NALF1: variants seen among roughly 807,000 people sequenced by gnomAD.
NALF1 encodes the protein family with sequence similarity 155 member A.
In NALF1, 3 loss-of-function variants were observed where a neutral mutation model predicts 48.4. The observed-to-expected ratio is 0.06, with a 90% confidence interval of 0.03 to 0.16. The LOEUF is 0.16. Ranked by LOEUF, NALF1 falls within the 10% of genes least tolerant of loss-of-function variation. The probability of loss-of-function intolerance (pLI) is 1.00; values close to 1 mark genes in which losing one functional copy is unlikely to be tolerated. For synonymous variants in NALF1, 262 were observed against 245.7 expected (o/e 1.07, Z -0.62); for missense variants, 526 against 571.5 (o/e 0.92, Z 0.81).
intron 1 of NALF1, among the ~76,000 whole-genome samples, chr13:107,628,984 G>A (rs1306248166): frequency 1.3e-5 from 2 of 152,086 alleles, no homozygotes; most frequent in Non-Finnish European, 2.9e-5. Context: ...TGTACTTACA[G>A]TCTGTTCTCC....
At chr13:107,431,069 CGT>C (rs1377493016) in intron 1 of NALF1, among the ~76,000 whole-genome samples, 3 of 151,572 alleles carry the variant, frequency 2.0e-5, no homozygotes, top group South Asian at 4.2e-4. Context: ...AGCATTTTTT[CGT>C]GTGTTTTTTG....
At chr13:107,474,131 A>T (rs76955094) in intron 1 of NALF1, among the ~76,000 whole-genome samples, 8,075 of 151,730 alleles carry the variant, frequency 0.053, 475 homozygotes, top group African/African-American at 0.15. Context: ...ACTGAATAAA[A>T]TTTTTTTTTC....
chr13:107,270,839 G>A (rs1199886299), intron 1 of NALF1, among the ~76,000 whole-genome samples: 7 of 117,902 alleles, frequency 5.9e-5, no homozygotes, highest in African/African-American at 2.3e-4. Flanking sequence ...AACAGGCCCC[G>A]GTGTGTGATG....
chr13:107,297,712 A>C (rs570764500), intron 1 of NALF1, among the ~76,000 whole-genome samples: 3 of 152,204 alleles, frequency 2.0e-5, no homozygotes, highest in Non-Finnish European at 4.4e-5. Flanking sequence ...TTACTGCTTA[A>C]GTTTCTACCT....
chr13:107,846,290 T>A (rs1880170505), intron 1 of NALF1, among the ~76,000 whole-genome samples: 1 of 152,200 alleles, frequency 6.6e-6, no homozygotes, highest in South Asian at 2.1e-4. Context: ...GACTGTTCTG[T>A]CAGACGGGAG....
intron 1 of NALF1, among the ~76,000 whole-genome samples, chr13:107,315,642 A>C (rs2059636489): frequency 6.6e-6 from 1 of 151,976 alleles, no homozygotes; most frequent in African/African-American, 2.4e-5. Context: ...AGACATTGAA[A>C]CGTAATCCTT....
At chr13:107,263,125 C>T (rs1458408776) in intron 1 of NALF1, among the ~76,000 whole-genome samples, 1 of 151,844 alleles carries the variant, frequency 6.6e-6, no homozygotes, top group Non-Finnish European at 1.5e-5. Flanking sequence ...CCCTTGAAAC[C>T]CTTCAGTCTG....
At chr13:107,740,149 T>C (rs1876590858) in intron 1 of NALF1, among the ~76,000 whole-genome samples, 1 of 152,166 alleles carries the variant, frequency 6.6e-6, no homozygotes, top group African/African-American at 2.4e-5. Context: ...AGGTTGGAAA[T>C]TGCTGCACTG....
chr13:107,511,055 T>C (rs1034899070), intron 1 of NALF1, among the ~76,000 whole-genome samples: 1 of 152,306 alleles, frequency 6.6e-6, no homozygotes, highest in East Asian at 1.9e-4. Context: ...TGAGTCCTCC[T>C]AATACCTTCT....
intron 1 of NALF1, among the ~76,000 whole-genome samples, chr13:107,829,978 C>G (rs936001111): frequency 4.6e-5 from 7 of 152,208 alleles, no homozygotes; most frequent in Non-Finnish European, 1.0e-4. Flanking sequence ...ACAAGAAAGT[C>G]TGGCAACAGA....
At chr13:107,221,394 C>A (rs964135332) in intron 1 of NALF1, among the ~76,000 whole-genome samples, 2 of 152,046 alleles carry the variant, frequency 1.3e-5, no homozygotes, top group Non-Finnish European at 2.9e-5. Flanking sequence ...CCTGGCCAAC[C>A]TGGCAAAACT....
intron 1 of NALF1, among the ~76,000 whole-genome samples, chr13:107,797,178 C>G (rs1878450862): frequency 6.6e-6 from 1 of 151,896 alleles, no homozygotes; most frequent in South Asian, 2.1e-4. Context: ...TTTTACATTT[C>G]TATTCCTCAT....
At chr13:107,847,923 G>A (rs1198723825) in intron 1 of NALF1, among the ~76,000 whole-genome samples, 2 of 151,096 alleles carry the variant, frequency 1.3e-5, no homozygotes, top group African/African-American at 4.8e-5. Flanking sequence ...TTTTTGCAAA[G>A]CAAGAAAAAT....
At chr13:107,485,136 TG>T (rs1786157146) in intron 1 of NALF1, among the ~76,000 whole-genome samples, 1 of 152,182 alleles carries the variant, frequency 6.6e-6, no homozygotes, top group African/African-American at 2.4e-5. Context: ...GAAGCAGGGC[TG>T]CATTTGTAAC....
chr13:107,420,827 T>C (rs1417719236), intron 1 of NALF1, among the ~76,000 whole-genome samples: 1 of 152,184 alleles, frequency 6.6e-6, no homozygotes, highest in Non-Finnish European at 1.5e-5. Context: ...ATTGTATCCA[T>C]TAATTAATTT....
chr13:107,353,343 AT>A (rs1332824921), intron 1 of NALF1, among the ~76,000 whole-genome samples: 1 of 152,154 alleles, frequency 6.6e-6, no homozygotes, highest in East Asian at 1.9e-4. Context: ...ACCCTAAACC[AT>A]TGCATTGGGA....
chr13:107,648,012 T>C (rs1329444186), intron 1 of NALF1, among the ~76,000 whole-genome samples: 1 of 152,172 alleles, frequency 6.6e-6, no homozygotes, highest in Non-Finnish European at 1.5e-5. Flanking sequence ...CTACAAATGA[T>C]AAAAACAAGT....
At chr13:107,826,304 C>CGT (rs59010695) in intron 1 of NALF1, among the ~76,000 whole-genome samples, 11,705 of 150,576 alleles carry the variant, frequency 0.078, 1,189 homozygotes, top group African/African-American at 0.24. Context: ...TGCATGTGCA[C>CGT]GTGTGTGTGT....
intron 1 of NALF1, among the ~76,000 whole-genome samples, chr13:107,563,228 T>C (rs1482893098): frequency 6.6e-6 from 1 of 152,134 alleles, no homozygotes; most frequent in Non-Finnish European, 1.5e-5. Flanking sequence ...ACAGGGAAGC[T>C]CAGCTGTGGA....
Sources: gnomAD v4.1 joint callset for allele counts (sites outside exome capture counted in the v4.1 genomes callset) on GRCh38, gnomAD v4.1.1 for gene constraint, MANE v1.5 for transcripts, NCBI Gene and HGNC (gene_info 2026-07-23, HGNC 2026-07-21) for gene names.